Variants in NOL4 observed in about 807,000 individuals in gnomAD.
NOL4 encodes the protein cancer/testis antigen 125.
A neutral mutation model predicts 75.9 loss-of-function variants in NOL4; 17 were observed. The ratio of observed to expected loss-of-function variants is 0.22; its 90% CI spans 0.15 to 0.34. NOL4 has a LOEUF of 0.34. Ranked by LOEUF, NOL4 falls within the 10% of genes least tolerant of loss-of-function variation. The pLI, the probability that NOL4 is intolerant of heterozygous loss-of-function variation, is 1.00. For missense variants in NOL4, 614 were observed against 793.5 expected (o/e 0.77, Z 2.72); for synonymous variants, 292 against 289.9 (o/e 1.01, Z -0.07).
At chr18:34,019,172 CT>C (rs2074884203) in intron 6 of NOL4, 145 bp downstream of exon 6, 1 of 655,884 alleles carries the variant, frequency 1.5e-6, no homozygotes. Context: ...ACACAATATG[CT>C]TGGTGATAAG....
chr18:34,223,234 A>C lies in NOL4; in HGVS notation c.20T>G (p.Met7Arg), dbSNP rs2037445597. The stretch of plus-strand genomic sequence containing the variant: ...GCACCAGTCCTGGAACTGGCGGTAC[A>C]TGTCGCGCTCGCTCTCCATGTTCCC... MESERD[M>R]YRQFQDWCLR... Residue 7 changes from methionine (M) to arginine (R), a missense_variant, in exon 1 of 11, where the codon ATG (methionine) becomes AGG (arginine). This residue lies in a region of NOL4 where 15 missense variants were observed against 18.2 expected (regional missense o/e 0.83). Transcript: ENST00000261592. The C allele has an allele frequency of 1.2e-6, 2 of 1,613,940 alleles. No homozygotes were observed. The highest frequency in any genetic ancestry group is 1.7e-6 in the Non-Finnish European group (2 of 1,179,994).
intron 9 of NOL4, among the ~76,000 whole-genome samples, chr18:33,891,728 T>C (rs2065107618): frequency 6.6e-6 from 1 of 152,204 alleles, no homozygotes; most frequent in African/African-American, 2.4e-5. Context: ...CAGTATTTTC[T>C]CTTTGATCTC....
At chr18:34,019,090 G>A (rs1266823781) in intron 6 of NOL4, among the ~76,000 whole-genome samples, 11 of 151,928 alleles carry the variant, frequency 7.2e-5, no homozygotes, top group African/African-American at 2.4e-4. Flanking sequence ...GTGATTCTCC[G>A]GATCTAAAAA....
At chr18:33,990,407 C>A (rs930291782) in intron 6 of NOL4, among the ~76,000 whole-genome samples, 3 of 152,016 alleles carry the variant, frequency 2.0e-5, no homozygotes, top group Non-Finnish European at 4.4e-5. Flanking sequence ...GCAGACACAT[C>A]TCTTTGTCCC....
chr18:33,853,078 G>A, intron 10 of NOL4, 43 bp from the exon 11 acceptor site: 1 of 1,514,514 alleles, frequency 6.6e-7, no homozygotes, highest in Non-Finnish European at 9.0e-7. Context: ...AATATTATTT[G>A]TTCCAGCATC....
At chr18:33,980,432 G>A (rs979225251) in intron 6 of NOL4, among the ~76,000 whole-genome samples, 2 of 152,028 alleles carry the variant, frequency 1.3e-5, no homozygotes, top group African/African-American at 4.8e-5. Context: ...GAGGGGAAAA[G>A]TAACCATTTT....
chr18:33,970,098 C>A (rs1445251719), intron 6 of NOL4, among the ~76,000 whole-genome samples: 2 of 152,162 alleles, frequency 1.3e-5, no homozygotes, highest in African/African-American at 4.8e-5. Context: ...AGTGATGCAG[C>A]TCCTGAAAGT....
chr18:33,923,446 A>T (rs1202100222), intron 9 of NOL4, among the ~76,000 whole-genome samples: 3 of 152,038 alleles, frequency 2.0e-5, no homozygotes, highest in African/African-American at 7.2e-5. Flanking sequence ...ATTATGTATT[A>T]TTAAGAATTG....
intron 6 of NOL4, among the ~76,000 whole-genome samples, chr18:33,993,076 A>G (rs2073036822): frequency 6.6e-6 from 1 of 151,988 alleles, no homozygotes; most frequent in Admixed American, 6.6e-5. Context: ...AGGAGAGAAC[A>G]AGGAAAGAGA....
intron 1 of NOL4, among the ~76,000 whole-genome samples, chr18:34,170,299 T>C (rs1336741353): frequency 4.6e-5 from 7 of 151,940 alleles, no homozygotes; most frequent in Non-Finnish European, 1.0e-4. Flanking sequence ...TGCCTCAGCC[T>C]CCCGAGTAGC....
At chr18:33,859,903 G>C (rs1189262772) in intron 10 of NOL4, among the ~76,000 whole-genome samples, 1 of 152,132 alleles carries the variant, frequency 6.6e-6, no homozygotes, top group African/African-American at 2.4e-5. Context: ...GGGGGACAGA[G>C]TGAGAATCTG....
chr18:34,203,685 C>CCTCTCTCTCTCT (rs1226376797), intron 1 of NOL4, among the ~76,000 whole-genome samples: 39 of 100,750 alleles, frequency 3.9e-4, no homozygotes, highest in African/African-American at 1.5e-3. Flanking sequence ...TCTCTCTCTC[C>CCTCTCTCTCTCT]CTCTCTCTCT....
At chr18:34,047,540 T>A (rs1040351716) in intron 5 of NOL4, among the ~76,000 whole-genome samples, 2 of 152,116 alleles carry the variant, frequency 1.3e-5, no homozygotes, top group African/African-American at 4.8e-5. Context: ...TATATATTAA[T>A]ATAATATGTA....
chr18:34,015,263 T>C (rs1327238771), intron 6 of NOL4, among the ~76,000 whole-genome samples: 2 of 152,002 alleles, frequency 1.3e-5, no homozygotes, highest in African/African-American at 4.8e-5. Context: ...GCAATTAAAA[T>C]GATTCTGCTT....
At chr18:34,192,316 T>C (rs1211765412) in intron 1 of NOL4, among the ~76,000 whole-genome samples, 1 of 152,106 alleles carries the variant, frequency 6.6e-6, no homozygotes, top group Non-Finnish European at 1.5e-5. Flanking sequence ...TTCAACATAA[T>C]CCTTAATAAA....
chr18:33,951,911 T>G (rs958640797), intron 8 of NOL4, among the ~76,000 whole-genome samples: 5 of 152,196 alleles, frequency 3.3e-5, no homozygotes, highest in Non-Finnish European at 7.3e-5. Context: ...CAAACTAAAA[T>G]GCATGTATCC....
chr18:33,932,975 T>C (rs1473367179), intron 9 of NOL4, among the ~76,000 whole-genome samples: 1 of 152,064 alleles, frequency 6.6e-6, no homozygotes, highest in Non-Finnish European at 1.5e-5. Context: ...CAAAATACGT[T>C]CTATCCCAGA....
chr18:33,995,890 T>C (rs1042089455), intron 6 of NOL4, among the ~76,000 whole-genome samples: 9 of 151,938 alleles, frequency 5.9e-5, no homozygotes, highest in African/African-American at 1.9e-4. Context: ...AAAGAATACA[T>C]GTATGTTGCT....
chr18:34,219,917 G>A (rs1186386699), intron 1 of NOL4, among the ~76,000 whole-genome samples: 1 of 152,182 alleles, frequency 6.6e-6, no homozygotes, highest in African/African-American at 2.4e-5. Flanking sequence ...CCATCAAAAA[G>A]CAGTCTAAAC....
Sources: allele counts gnomAD v4.1 joint callset (sites outside exome capture counted in the v4.1 genomes callset), GRCh38; gene constraint gnomAD v4.1.1; regional missense constraint gnomAD v4.1.1; transcripts MANE v1.5; gene names NCBI Gene and HGNC (gene_info 2026-07-23, HGNC 2026-07-21).